The following RALYL variants were observed in gnomAD, a reference collection of about 807,000 sequenced individuals.
RALYL encodes RNA-binding Raly-like protein.
In RALYL, 29 loss-of-function variants were observed where a neutral mutation model predicts 35.1. That is an observed-to-expected ratio of 0.83 (90% CI 0.61 to 1.13). The LOEUF (loss-of-function observed/expected upper bound fraction) is 1.13, where lower values mean the gene tolerates loss of function less well. Ranked by LOEUF, RALYL falls within the 50% of genes most tolerant of loss-of-function variation. RALYL has a pLI of 0.00. For missense variants in RALYL, 359 were observed against 360.4 expected (o/e 1.00, Z 0.03); for synonymous variants, 120 against 127.6 (o/e 0.94, Z 0.40).
intron 1 of RALYL, among the ~76,000 whole-genome samples, chr8:84,343,718 C>A (rs1322246530): frequency 6.6e-6 from 1 of 151,876 alleles, no homozygotes; most frequent in Non-Finnish European, 1.5e-5. Context: ...CAACCTCAAC[C>A]TCCAGGGCTG....
intron 1 of RALYL, among the ~76,000 whole-genome samples, chr8:84,439,234 ATTTG>A (rs2048073948): frequency 6.6e-6 from 1 of 151,948 alleles, no homozygotes; most frequent in Non-Finnish European, 1.5e-5. Flanking sequence ...ATGTTTGTCG[ATTTG>A]TTTGTGTCAT....
intron 1 of RALYL, among the ~76,000 whole-genome samples, chr8:84,489,518 C>A (rs1175704001): frequency 6.6e-6 from 1 of 152,020 alleles, no homozygotes. Flanking sequence ...GGGATTCAAA[C>A]CTAAGACACA....
At chr8:84,808,353 A>G (rs1165023001) in intron 4 of RALYL, among the ~76,000 whole-genome samples, 2 of 152,156 alleles carry the variant, frequency 1.3e-5, no homozygotes, top group Non-Finnish European at 2.9e-5. Context: ...TCTCTGTTCC[A>G]TTGGTCTATG....
intron 1 of RALYL, among the ~76,000 whole-genome samples, chr8:84,223,623 C>A (rs1823077207): frequency 6.6e-6 from 1 of 152,120 alleles, no homozygotes; most frequent in Non-Finnish European, 1.5e-5. Flanking sequence ...TCTAGTAGCT[C>A]TCAGAACAGA....
intron 3 of RALYL, among the ~76,000 whole-genome samples, chr8:84,802,125 G>A (rs1823445098): frequency 3.3e-5 from 5 of 152,142 alleles, no homozygotes; most frequent in Admixed American, 3.3e-4. Context: ...TCAACTTGTT[G>A]CCGTAGCACA....
At chr8:84,565,564 A>G (rs2061729276) in intron 2 of RALYL, among the ~76,000 whole-genome samples, 1 of 151,592 alleles carries the variant, frequency 6.6e-6, no homozygotes, top group East Asian at 1.9e-4. Context: ...CTGCTTAATA[A>G]TAGTCTATCC....
chr8:84,829,249 A>AC (rs1345799362), intron 4 of RALYL: 1 of 152,178 alleles, frequency 6.6e-6, no homozygotes, highest in Non-Finnish European at 1.5e-5. Flanking sequence ...TGATTCAGTT[A>AC]CCTCCCACTG....
chr8:84,489,942 A>G (rs2055076507), intron 1 of RALYL, among the ~76,000 whole-genome samples: 1 of 152,078 alleles, frequency 6.6e-6, no homozygotes, highest in African/African-American at 2.4e-5. Context: ...GAACCAAATC[A>G]TGAAAGACCA....
At chr8:84,898,080 G>C (rs1845055538) in intron 8 of RALYL, among the ~76,000 whole-genome samples, 1 of 152,184 alleles carries the variant, frequency 6.6e-6, no homozygotes, top group Admixed American at 6.6e-5. Context: ...AGGAAGAAAG[G>C]TATGAAAGAA....
At chr8:84,877,687 C>T (rs1057109312) in intron 7 of RALYL, among the ~76,000 whole-genome samples, 49 of 152,034 alleles carry the variant, frequency 3.2e-4, no homozygotes, top group African/African-American at 1.1e-3. Context: ...ATCAACAGTT[C>T]CTTTAGTTGC....
At chr8:84,203,326 G>A (rs889248942) in intron 1 of RALYL, among the ~76,000 whole-genome samples, 1 of 150,002 alleles carries the variant, frequency 6.7e-6, no homozygotes. Flanking sequence ...ATAGAATTCT[G>A]GAAAGTACAG....
intron 2 of RALYL, among the ~76,000 whole-genome samples, chr8:84,718,856 T>C (rs1843374963): frequency 6.6e-6 from 1 of 152,216 alleles, no homozygotes; most frequent in South Asian, 2.1e-4. Flanking sequence ...TTATCTTACT[T>C]TGAAGGTTCA....
chr8:84,300,592 A>G (rs1378134876), intron 1 of RALYL, among the ~76,000 whole-genome samples: 3 of 152,040 alleles, frequency 2.0e-5, no homozygotes, highest in African/African-American at 7.2e-5. Context: ...GTAGGTCTCT[A>G]AGAACTTGCT....
At chr8:84,460,110 G>T (rs569550358) in intron 1 of RALYL, among the ~76,000 whole-genome samples, 1 of 151,686 alleles carries the variant, frequency 6.6e-6, no homozygotes, top group African/African-American at 2.4e-5. Context: ...ATACCTGGAG[G>T]TTATACACAC....
chr8:84,719,129 C>A (rs1315857760), intron 2 of RALYL, among the ~76,000 whole-genome samples: 1 of 152,090 alleles, frequency 6.6e-6, no homozygotes, highest in Non-Finnish European at 1.5e-5. Context: ...TGTATGTATT[C>A]TGTATGTAAT....
At chr8:84,444,377 C>A (rs530007309) in intron 1 of RALYL, among the ~76,000 whole-genome samples, 14 of 151,958 alleles carry the variant, frequency 9.2e-5, no homozygotes, top group Non-Finnish European at 1.8e-4. Context: ...AAAAACACCA[C>A]ACACACCCAA....
chr8:84,814,302 G>A (rs1826651019), intron 4 of RALYL, among the ~76,000 whole-genome samples: 1 of 151,950 alleles, frequency 6.6e-6, no homozygotes, highest in Non-Finnish European at 1.5e-5. Flanking sequence ...ATTATAAAAA[G>A]CAAAAGAAGT....
intron 2 of RALYL, among the ~76,000 whole-genome samples, chr8:84,733,642 GA>G (rs546692727): frequency 6.6e-6 from 1 of 152,124 alleles, no homozygotes; most frequent in African/African-American, 2.4e-5. Context: ...TAGTGAACCA[GA>G]AAATTTGAAT....
At chr8:84,807,132 T>C (rs1213304121) in intron 4 of RALYL, among the ~76,000 whole-genome samples, 1 of 152,160 alleles carries the variant, frequency 6.6e-6, no homozygotes, top group Non-Finnish European at 1.5e-5. Context: ...CACTGCATCA[T>C]ATTTGTGGTC....
Sources: gnomAD v4.1 joint callset for allele counts (sites outside exome capture counted in the v4.1 genomes callset) on GRCh38, gnomAD v4.1.1 for gene constraint, MANE v1.5 for transcripts, NCBI Gene and HGNC (gene_info 2026-07-23, HGNC 2026-07-21) for gene names.